SLC22A24: variants seen among roughly 807,000 people sequenced by gnomAD.
SLC22A24 encodes solute carrier family 22 member 24, also known as steroid transmembrane transporter SLC22A24.
Under a neutral mutation model 49.8 loss-of-function variants are expected in SLC22A24, and 53 were observed. That is an observed-to-expected ratio of 1.06 (90% CI 0.85 to 1.34). SLC22A24 has a LOEUF of 1.34. SLC22A24 is among the 40% of genes most tolerant of loss of function. SLC22A24 has a pLI of 0.00. For synonymous variants in SLC22A24, 302 were observed against 256.4 expected (o/e 1.18, Z -1.70); for missense variants, 786 against 675.9 (o/e 1.16, Z -1.81).
intron 6 of SLC22A24, among the ~76,000 whole-genome samples, chr11:63,091,372 A>G (rs1188011014): frequency 1.3e-5 from 2 of 152,224 alleles, no homozygotes; most frequent in Non-Finnish European, 2.9e-5. Context: ...TCCAAACAAT[A>G]GAGGAAGAGG....
intron 6 of SLC22A24, among the ~76,000 whole-genome samples, chr11:63,086,359 A>G (rs1362578615): frequency 6.6e-6 from 1 of 152,224 alleles, no homozygotes; most frequent in Non-Finnish European, 1.5e-5. Context: ...GCAGCCATAA[A>G]GAGGAACAAG....
At position 63,143,414 on chromosome 11, in the gene SLC22A24, G is replaced by T. The variant is rs201635557; in HGVS notation, c.366C>A (p.Tyr122Ter). The change falls in exon 1 of 10, where the codon TAC becomes TAA. Residue 122 changes from tyrosine (Y) to a stop codon, truncating the protein, a stop_gained. Transcript: ENST00000612278. LOFTEE classifies it high-confidence loss of function. ...DTEPCVDGWV[Y>*]DRSSFLSTIV... is the part of the protein sequence containing the mutation. ...TGGTGGAGAGGAAAGAGCTTCTGTCGTACACCCAGCCATCCACACAGGGCT... is the reference window on the plus strand; with the variant it reads ...TGGTGGAGAGGAAAGAGCTTCTGTCTTACACCCAGCCATCCACACAGGGCT... 6.6e-7 allele frequency: 1 copy of T among 1,519,040 alleles called. No individual in the cohort carries two copies. The highest frequency in any genetic ancestry group is 1.4e-5 in the African/African-American group (1 of 71,176). 94.1% of individuals were successfully genotyped at this position (1,519,040 alleles called of 1,614,324 possible).
intron 6 of SLC22A24, among the ~76,000 whole-genome samples, chr11:63,087,926 A>C (rs960248884): frequency 6.6e-6 from 1 of 152,190 alleles, no homozygotes; most frequent in Admixed American, 6.5e-5. Flanking sequence ...TTTACAGACA[A>C]AATCCTCATT....
chr11:63,112,711 T>A (rs965894524), intron 4 of SLC22A24, among the ~76,000 whole-genome samples: 1 of 152,090 alleles, frequency 6.6e-6, no homozygotes, highest in African/African-American at 2.4e-5. Flanking sequence ...ATCTTTTAAC[T>A]GGGGCATTTA....
At chr11:63,097,113 T>A (rs980019947) in intron 5 of SLC22A24, among the ~76,000 whole-genome samples, 2 of 152,176 alleles carry the variant, frequency 1.3e-5, no homozygotes, top group Non-Finnish European at 2.9e-5. Flanking sequence ...CAAAAGAAAC[T>A]ATCATCATAG....
At position 63,081,096 on chromosome 11, in the gene SLC22A24, C is replaced by G. The variant is rs11231342; in HGVS notation, c.1422G>C (p.Val474=). 0.52 allele frequency: 807,094 copies of G among 1,550,790 alleles called. 211,876 individuals are homozygous for G. The highest frequency in any genetic ancestry group is 0.54 in the Non-Finnish European group (617,816 of 1,146,368). ...CCAGTGCTGCCCCAGTCCTACCGGA[C>G]ACTGCATTGATTCCTGCAACTGTTG... is the stretch of plus-strand genomic sequence containing the variant. ...LRSTVAGINA[V]SGRTGAALAP... The change falls in exon 9 of 10, where the codon GTG becomes GTC. Residue 474 remains valine, a synonymous_variant. Transcript: ENST00000612278.
chr11:63,109,403 AT>A (rs1483240171), intron 4 of SLC22A24, among the ~76,000 whole-genome samples: 1 of 145,704 alleles, frequency 6.9e-6, no homozygotes, highest in African/African-American at 2.5e-5. Context: ...CTAGTTCTAG[AT>A]CCCTGAGGAA....
intron 6 of SLC22A24, among the ~76,000 whole-genome samples, chr11:63,094,496 A>G (rs1165902363): frequency 6.6e-6 from 1 of 152,192 alleles, no homozygotes; most frequent in African/African-American, 2.4e-5. Flanking sequence ...GTATATACCC[A>G]GTAATGGGAT....
chr11:63,105,841 T>C (rs1464808254), intron 4 of SLC22A24, among the ~76,000 whole-genome samples: 1 of 152,130 alleles, frequency 6.6e-6, no homozygotes, highest in African/African-American at 2.4e-5. Flanking sequence ...CCTTAGAAAA[T>C]GGGTTTTTCT....
chr11:63,119,443 A>G (rs2087236287), intron 2 of SLC22A24, 108 bp from the exon 3 acceptor site: 2 of 1,094,182 alleles, frequency 1.8e-6, no homozygotes, highest in African/African-American at 3.2e-5. Flanking sequence ...TAACAAGTGG[A>G]ACATGGTGCT....
intron 6 of SLC22A24, among the ~76,000 whole-genome samples, chr11:63,095,169 G>A (rs2134644280): frequency 6.6e-6 from 1 of 152,264 alleles, no homozygotes; most frequent in Middle Eastern, 3.4e-3. Flanking sequence ...TAAGGTGTAA[G>A]GGATCCAGTT....
At chr11:63,080,465 C>G (rs1359627602) in intron 9 of SLC22A24, among the ~76,000 whole-genome samples, 1 of 152,144 alleles carries the variant, frequency 6.6e-6, no homozygotes, top group Non-Finnish European at 1.5e-5. Context: ...GCTGTAGTCC[C>G]ATGATTCTTT....
chr11:63,096,043 G>C lies in SLC22A24; in HGVS notation c.1018C>G (p.Leu340Val). The change falls in exon 6 of 10, where the codon CTG becomes GTG. Residue 340 changes from leucine (L) to valine (V), a missense_variant. Leu to Val is a conservative substitution (Grantham distance 32, BLOSUM62 1). Transcript: ENST00000612278. Reference protein sequence around the residue: ...AVRIKTSIFSLFRAPKLRMRV... With the variant: ...AVRIKTSIFSVFRAPKLRMRV... The stretch of plus-strand genomic sequence containing the variant: ...ATTCGCAATTTGGGTGCACGGAACA[G>C]GGAAAAAATGGATGTTTTAATTCGG... 1.9e-6 allele frequency: 3 copies of C among 1,550,940 alleles called. No individual in the cohort carries two copies. The highest frequency in any genetic ancestry group is 1.4e-5 in the African/African-American group (1 of 73,126).
chr11:63,119,377 A>G, intron 2 of SLC22A24, 42 bp from the exon 3 acceptor site: 2 of 1,468,060 alleles, frequency 1.4e-6, no homozygotes, highest in Non-Finnish European at 1.8e-6. Flanking sequence ...AGGAACAAAA[A>G]TAACACGTGG....
rs1334337525 is a variant in SLC22A24 at position 63,086,491 on chromosome 11, C to T, written c.1071-3034G>A. Among the ~76,000 whole-genome samples the T allele has an allele frequency of 3.3e-5, 5 of 152,242 alleles. No individual in the cohort carries two copies. In the East Asian group the frequency reaches 9.6e-4, roughly 29 times the overall value. On this transcript the variant is annotated intron_variant, in intron 6 of 9. Transcript: ENST00000612278. ...ATGAGTGGGAGCTAAATATTGAGTA[C>T]ATATGGACACAGAGAAGAGAAAAAC... is the stretch of plus-strand genomic sequence containing the variant.
At chr11:63,089,384 C>A (rs1443271459) in intron 6 of SLC22A24, among the ~76,000 whole-genome samples, 6 of 152,200 alleles carry the variant, frequency 3.9e-5, no homozygotes, top group Middle Eastern at 3.2e-3. Context: ...GATTTTGTCA[C>A]CACCAGGCCT....
chr11:63,092,776 G>A (rs1446987268), intron 6 of SLC22A24, among the ~76,000 whole-genome samples: 6 of 151,544 alleles, frequency 4.0e-5, no homozygotes, highest in Non-Finnish European at 8.8e-5. Flanking sequence ...TCAGGACACA[G>A]GCATGGGCAA....
chr11:63,101,930 G>A (rs542194375), intron 5 of SLC22A24, among the ~76,000 whole-genome samples: 4 of 152,018 alleles, frequency 2.6e-5, no homozygotes, highest in Non-Finnish European at 5.9e-5. Context: ...AGGATGGTTA[G>A]CAGAGACAAG....
At chr11:63,131,136 C>A (rs190450865) in intron 2 of SLC22A24, among the ~76,000 whole-genome samples, 2 of 151,794 alleles carry the variant, frequency 1.3e-5, no homozygotes, top group East Asian at 3.9e-4. Flanking sequence ...GGTAGATCTT[C>A]CTCCCTCCCT....
Sources: allele counts gnomAD v4.1 joint callset (sites outside exome capture counted in the v4.1 genomes callset), GRCh38; gene constraint gnomAD v4.1.1; transcripts MANE v1.5; gene names NCBI Gene and HGNC (gene_info 2026-07-23, HGNC 2026-07-21).